The following TBC1D32 variants were observed in gnomAD, a reference collection of about 807,000 sequenced individuals.
TBC1D32 encodes TBC1 domain family member 32.
In TBC1D32, 151 loss-of-function variants were observed where a neutral mutation model predicts 170.3. The ratio of observed to expected loss-of-function variants is 0.89; its 90% confidence interval spans 0.78 to 1.01. The LOEUF is 1.01. Among genes scored for constraint, TBC1D32 ranks in the 50% least tolerant of loss-of-function variants. The pLI, the probability that TBC1D32 is intolerant of heterozygous loss-of-function variation, is 0.00. For missense variants in TBC1D32, 1,464 were observed against 1,457.1 expected, an observed-to-expected ratio of 1.00 and a Z score of -0.08; for synonymous variants, 498 against 488.0, an observed-to-expected ratio of 1.02 and a Z score of -0.27.
chr6:121,276,976 C>T (rs1304614817), intron 15 of TBC1D32, among the ~76,000 whole-genome samples: 1 of 152,096 alleles, frequency 6.6e-6, no homozygotes, highest in Non-Finnish European at 1.5e-5. Flanking sequence ...TTTCAACATA[C>T]CTCTATCAGT....
At chr6:121,092,501 T>C (rs1264058649) in intron 30 of TBC1D32, among the ~76,000 whole-genome samples, 2 of 152,092 alleles carry the variant, frequency 1.3e-5, no homozygotes, top group Non-Finnish European at 2.9e-5. Context: ...CCTTTTGGCA[T>C]GCTGATCCTG....
At chr6:121,147,685 G>A (rs372292494) in intron 24 of TBC1D32, among the ~76,000 whole-genome samples, 6 of 151,848 alleles carry the variant, frequency 4.0e-5, no homozygotes, top group East Asian at 1.9e-4. Flanking sequence ...TCCACCTCCC[G>A]GGTTCACGCC....
At chr6:121,311,269 T>C (rs1204528451) in intron 3 of TBC1D32, among the ~76,000 whole-genome samples, 1 of 152,150 alleles carries the variant, frequency 6.6e-6, no homozygotes, top group African/African-American at 2.4e-5. Flanking sequence ...TACTTTTCCT[T>C]AGCCTTTCTC....
At position 121,279,442 on chromosome 6, in the gene TBC1D32, C is replaced by A. The variant is rs1182093994; in HGVS notation, c.1609-197G>T. 5.3e-5 allele frequency among the ~76,000 whole-genome samples: 8 copies of A among 152,118 alleles called. No individual in the cohort carries two copies. In the East Asian group the frequency reaches 1.5e-3, roughly 29 times the overall value. On this transcript the variant is annotated intron_variant, in intron 14 of 31. Coordinates refer to ENST00000398212, the MANE Select transcript of TBC1D32 (RefSeq NM_152730.6). Reference sequence around the variant, plus strand: ...AGATTATATTCTTTTACCAGCCCAACTGATGAAGCAAATAAATACAGATTT... The same window carrying A: ...AGATTATATTCTTTTACCAGCCCAAATGATGAAGCAAATAAATACAGATTT...
At chr6:121,200,279 A>G (rs1791370787) in intron 22 of TBC1D32, among the ~76,000 whole-genome samples, 1 of 151,410 alleles carries the variant, frequency 6.6e-6, no homozygotes, top group Admixed American at 6.6e-5. Flanking sequence ...CATCTTTAGC[A>G]TTGAAGATAA....
At chr6:121,250,097 T>C (rs1355273820) in intron 17 of TBC1D32, among the ~76,000 whole-genome samples, 2 of 151,952 alleles carry the variant, frequency 1.3e-5, no homozygotes, top group Non-Finnish European at 1.5e-5. Context: ...TACAAGGCTA[T>C]AGTTACCAAA....
rs1315714506 is a variant in TBC1D32, at chr6:121,112,613, A to G, written c.3216T>C (p.Ser1072=). The change falls in exon 29 of 32, where the codon TCT becomes TCC. Residue 1072 remains serine (S), a synonymous_variant. Transcript: ENST00000398212. ...NYAGHDWFVS[S]LFMIMLGDKE... ...TGTCTCCCAACATTATCATGAACAG[A>G]GAAGATACAAACCAGTCATGGCCAG... 6.2e-7 allele frequency: 1 copy of G among 1,608,744 alleles called. No homozygotes were observed. Among genetic ancestry groups the G allele is most frequent in the Non-Finnish European group, 8.5e-7 (1 of 1,177,122 alleles).
chr6:121,139,278 G>A (rs921607776), intron 24 of TBC1D32, among the ~76,000 whole-genome samples: 1 of 152,126 alleles, frequency 6.6e-6, no homozygotes, highest in African/African-American at 2.4e-5. Context: ...CCAGTCATTC[G>A]TTAAATAGGC....
At chr6:121,206,934 T>C (rs1792351841) in intron 21 of TBC1D32, among the ~76,000 whole-genome samples, 1 of 152,180 alleles carries the variant, frequency 6.6e-6, no homozygotes, top group African/African-American at 2.4e-5. Flanking sequence ...TACTTTTTCC[T>C]GAATTAGCTA....
chr6:121,271,276 G>A (rs1246450455), intron 15 of TBC1D32, among the ~76,000 whole-genome samples: 1 of 152,126 alleles, frequency 6.6e-6, no homozygotes, highest in African/African-American at 2.4e-5. Flanking sequence ...AATCAGGCAG[G>A]AGAAAGAAAT....
chr6:121,178,181 C>A (rs1435896676), intron 22 of TBC1D32, among the ~76,000 whole-genome samples: 1 of 152,150 alleles, frequency 6.6e-6, no homozygotes. Flanking sequence ...TCAATTATCT[C>A]TGCCTGGTCC....
At chr6:121,110,694 T>C (rs1010532749) in intron 29 of TBC1D32, among the ~76,000 whole-genome samples, 3 of 152,174 alleles carry the variant, frequency 2.0e-5, no homozygotes, top group Non-Finnish European at 2.9e-5. Context: ...GGTATCACTT[T>C]TAAATAATAT....
rs760843065 is a variant in TBC1D32 at position 121,112,577 on chromosome 6, TG to T, written c.3251del (p.Thr1084AsnfsTer12). ...TGGAGAATTGATGAAGAAATTGGAA[TG>T]TTTTTTCTTTGTCTCCCAACATTAT... ...FMIMLGDKEK[T>X]FQFLHQFSRL... On this transcript the variant is annotated frameshift_variant, in exon 29 of 32. Transcript: ENST00000398212. LOFTEE classifies it high-confidence loss of function. 6 of 1,611,418 alleles carry T rather than the reference TG, an allele frequency of 3.7e-6. No homozygotes were observed. The highest frequency in any genetic ancestry group is 4.2e-6 in the Non-Finnish European group (5 of 1,178,356).
chr6:121,310,570 C>T (rs986682259), intron 4 of TBC1D32, among the ~76,000 whole-genome samples: 5 of 152,106 alleles, frequency 3.3e-5, no homozygotes, highest in African/African-American at 1.2e-4. Flanking sequence ...TTTCCTCTTC[C>T]AAACCACGAC....
intron 16 of TBC1D32, 108 bp downstream of exon 16, chr6:121,255,976 T>G: frequency 1.1e-6 from 1 of 940,770 alleles, no homozygotes; most frequent in South Asian, 1.8e-5. Context: ...GCTAAAGAAG[T>G]CATATTTGCC....
chr6:121,159,985 T>C (rs1482691443), intron 24 of TBC1D32, 25 bp downstream of exon 24: 3 of 1,410,928 alleles, frequency 2.1e-6, no homozygotes, highest in Non-Finnish European at 3.0e-6. Context: ...AAAAATAATA[T>C]GGCATTTGAT....
intron 31 of TBC1D32, among the ~76,000 whole-genome samples, chr6:121,082,499 T>A (rs1422890110): frequency 6.6e-6 from 1 of 151,958 alleles, no homozygotes; most frequent in Non-Finnish European, 1.5e-5. Flanking sequence ...GGAGGGATTA[T>A]GGTAATGTCT....
At chr6:121,177,640 C>T (rs753775252) in intron 22 of TBC1D32, among the ~76,000 whole-genome samples, 2 of 152,082 alleles carry the variant, frequency 1.3e-5, no homozygotes, top group South Asian at 4.2e-4. Flanking sequence ...GACACCTTTG[C>T]TTTCTAATGG....
intron 15 of TBC1D32, among the ~76,000 whole-genome samples, chr6:121,263,232 A>AG (rs1800007173): frequency 1.3e-5 from 2 of 151,878 alleles, no homozygotes; most frequent in African/African-American, 4.8e-5. Flanking sequence ...AAACAAAAAA[A>AG]AGATAGAGGT....
Sources: allele counts gnomAD v4.1 joint callset (sites outside exome capture counted in the v4.1 genomes callset), GRCh38; gene constraint gnomAD v4.1.1; transcripts MANE v1.5; gene names NCBI Gene and HGNC (gene_info 2026-07-23, HGNC 2026-07-21).